THSD4: variants seen among roughly 807,000 people sequenced by gnomAD.
THSD4 encodes the protein thrombospondin type-1 domain-containing protein 4.
THSD4 carries 69 observed loss-of-function variants against 119.0 expected under a neutral mutation model. The ratio of observed to expected loss-of-function variants is 0.58; its 90% CI spans 0.48 to 0.71. The LOEUF is 0.71. THSD4 is among the 30% of genes least tolerant of loss of function. The pLI, the probability that THSD4 is intolerant of heterozygous loss-of-function variation, is 0.00. For synonymous variants in THSD4, 524 were observed against 540.4 expected, an observed-to-expected ratio of 0.97 and a Z score of 0.42; for missense variants, 1,393 against 1,391.1, an observed-to-expected ratio of 1.00 and a Z score of -0.02.
At chr15:71,502,897 T>C (rs557329774) in intron 7 of THSD4, among the ~76,000 whole-genome samples, 41 of 152,232 alleles carry the variant, frequency 2.7e-4, no homozygotes, top group Non-Finnish European at 5.0e-4. Context: ...AGCCCTTGTA[T>C]GTGCCAGGTG....
rs187889066 is a variant in THSD4, at chr15:71,252,870, A to G, written c.913-3743A>G. Among the ~76,000 whole-genome samples the G allele has an allele frequency of 1.4e-3, 210 of 151,898 alleles. 3 individuals are homozygous for G. The East Asian group carries it at 0.038, about 27-fold the overall frequency. The stretch of plus-strand genomic sequence containing the variant: ...AAATGCTCAATAAAAGTTAGGTATC[A>G]TCATCATCATCATCATCATCATCAT... On this transcript the variant is annotated intron_variant, in intron 5 of 17. Coordinates refer to ENST00000261862, the MANE Select transcript of THSD4 (RefSeq NM_024817.3).
intron 6 of THSD4, among the ~76,000 whole-genome samples, chr15:71,403,525 A>G (rs1001562780): frequency 2.0e-5 from 3 of 152,074 alleles, no homozygotes; most frequent in African/African-American, 7.2e-5. Flanking sequence ...ATTTTTATCT[A>G]TTTATTGGGA....
chr15:71,399,207 G>A (rs982172509), intron 6 of THSD4, among the ~76,000 whole-genome samples: 9 of 152,142 alleles, frequency 5.9e-5, no homozygotes, highest in Admixed American at 2.0e-4. Flanking sequence ...TACCAACCAT[G>A]TGGTTGTGAC....
intron 8 of THSD4, among the ~76,000 whole-genome samples, chr15:71,661,516 C>G (rs944346238): frequency 6.6e-6 from 1 of 151,968 alleles, no homozygotes; most frequent in African/African-American, 2.4e-5. Flanking sequence ...CTGCCTCAGC[C>G]TCCCGAGTAG....
chr15:71,374,479 A>G (rs1173878918), intron 6 of THSD4, among the ~76,000 whole-genome samples: 2 of 152,152 alleles, frequency 1.3e-5, no homozygotes, highest in Non-Finnish European at 2.9e-5. Flanking sequence ...TAAGAAGGGG[A>G]TGTGGTAAGA....
chr15:71,643,406 C>T (rs2050904302), intron 7 of THSD4, among the ~76,000 whole-genome samples: 1 of 152,008 alleles, frequency 6.6e-6, no homozygotes, highest in Non-Finnish European at 1.5e-5. Context: ...GTTTCATCAC[C>T]CCAGTACGAA....
chr15:71,524,422 G>T (rs2048486113), intron 7 of THSD4, among the ~76,000 whole-genome samples: 1 of 152,108 alleles, frequency 6.6e-6, no homozygotes, highest in Non-Finnish European at 1.5e-5. Flanking sequence ...TTCACCCAGT[G>T]TGCCAACTCT....
At chr15:71,594,021 G>A (rs990620597) in intron 7 of THSD4, among the ~76,000 whole-genome samples, 1 of 151,918 alleles carries the variant, frequency 6.6e-6, no homozygotes, top group Non-Finnish European at 1.5e-5. Flanking sequence ...CCCAGGAACA[G>A]GAGGGACTTG....
At chr15:71,751,986 T>C (rs1567136100) in intron 14 of THSD4, among the ~76,000 whole-genome samples, 1 of 152,246 alleles carries the variant, frequency 6.6e-6, no homozygotes, top group Non-Finnish European at 1.5e-5. Flanking sequence ...CTTTTTGAAC[T>C]CTTAATACAT....
chr15:71,724,287 A>ATATATATATATTTTTT, intron 8 of THSD4, among the ~76,000 whole-genome samples: 5 of 37,282 alleles, frequency 1.3e-4, no homozygotes, highest in Admixed American at 4.1e-4. Flanking sequence ...ATATATATAT[A>ATATATATATATTTTTT]TTTTTTTTTT....
chr15:71,306,624 T>TCTGTTAGAGCCATACATCTCTGAAATC (rs2045034325), intron 6 of THSD4, among the ~76,000 whole-genome samples: 1 of 152,198 alleles, frequency 6.6e-6, no homozygotes, highest in African/African-American at 2.4e-5. Context: ...AACCCTGGTG[T>TCTGTTAGAGCCATACATCTCTGAAATC]CTGTTAGAGC....
chr15:71,133,413 G>A (rs183699301), intron 1 of THSD4, among the ~76,000 whole-genome samples: 148 of 152,264 alleles, frequency 9.7e-4, no homozygotes, highest in African/African-American at 3.4e-3. Flanking sequence ...TTCTGTCATC[G>A]GGAACACCTG....
At chr15:71,606,697 C>T (rs1228316484) in intron 7 of THSD4, among the ~76,000 whole-genome samples, 6 of 152,192 alleles carry the variant, frequency 3.9e-5, no homozygotes, top group East Asian at 1.9e-4. Context: ...TGTGCCACCA[C>T]GCCTGGCTAA....
At chr15:71,199,838 GT>G (rs2043776980) in intron 3 of THSD4, among the ~76,000 whole-genome samples, 1 of 147,226 alleles carries the variant, frequency 6.8e-6, no homozygotes, top group African/African-American at 2.6e-5. Context: ...GTGTGTGTGT[GT>G]GTGCTGTGTG....
At chr15:71,380,932 G>T (rs74021974) in intron 6 of THSD4, among the ~76,000 whole-genome samples, 36 of 151,886 alleles carry the variant, frequency 2.4e-4, no homozygotes, top group Non-Finnish European at 8.8e-5. Context: ...GTTTATTGCC[G>T]TCCCATTGAG....
At chr15:71,709,174 G>A (rs1453653804) in intron 8 of THSD4, among the ~76,000 whole-genome samples, 3 of 152,204 alleles carry the variant, frequency 2.0e-5, no homozygotes, top group Non-Finnish European at 4.4e-5. Flanking sequence ...CAGCCAGGGG[G>A]AGGAGTAATT....
At chr15:71,608,239 T>TACACAC (rs1189502927) in intron 7 of THSD4, among the ~76,000 whole-genome samples, 43 of 66,972 alleles carry the variant, frequency 6.4e-4, no homozygotes, top group Middle Eastern at 7.6e-3. Context: ...AAAAAAAAAA[T>TACACAC]ATATATATAT....
Position 71,607,699 on chromosome 15 carries a change from A to G in THSD4, c.1153-52831A>G, listed in dbSNP as rs1242590904. 2.0e-5 allele frequency among the ~76,000 whole-genome samples: 3 copies of G among 152,242 alleles called. No individual in the cohort carries two copies. In the East Asian group the frequency reaches 5.8e-4, roughly 29 times the overall value. On this transcript the variant is annotated intron_variant, in intron 7 of 17. Coordinates refer to ENST00000261862, the MANE Select transcript of THSD4 (RefSeq NM_024817.3). ...GAGGCGTGGGTATGGGGCACCTATG[A>G]TGTTTTCCAGGTGGACAAACATGAG...
At chr15:71,473,011 A>AG (rs1480224089) in intron 7 of THSD4, among the ~76,000 whole-genome samples, 1 of 150,774 alleles carries the variant, frequency 6.6e-6, no homozygotes, top group African/African-American at 2.4e-5. Context: ...TTTAAAAAAA[A>AG]TTCTTAATGT....
Sources: gnomAD v4.1 joint callset for allele counts (sites outside exome capture counted in the v4.1 genomes callset) on GRCh38, gnomAD v4.1.1 for gene constraint, MANE v1.5 for transcripts, NCBI Gene and HGNC (gene_info 2026-07-23, HGNC 2026-07-21) for gene names.